Variants in PFKP observed in about 807,000 individuals in gnomAD.
PFKP encodes the protein ATP-dependent 6-phosphofructokinase, platelet type.
A neutral mutation model predicts 94.3 loss-of-function variants in PFKP; 101 were observed. The ratio of observed to expected loss-of-function variants is 1.07; its 90% CI spans 0.91 to 1.26. PFKP has a LOEUF of 1.26. Ranked by LOEUF, PFKP falls within the 50% of genes most tolerant of loss-of-function variation. PFKP has a pLI of 0.00. For synonymous variants in PFKP, 573 were observed against 432.6 expected (o/e 1.32, Z -4.03); for missense variants, 1,145 against 1,103.3 (o/e 1.04, Z -0.53).
chr10:3,128,611 A>G (rs1238394245), intron 16 of PFKP, among the ~76,000 whole-genome samples: 1 of 147,828 alleles, frequency 6.8e-6, no homozygotes, highest in Non-Finnish European at 1.5e-5. Flanking sequence ...CGGGCCTTGC[A>G]CGCCTTGTAC....
intron 2 of PFKP, among the ~76,000 whole-genome samples, chr10:3,095,963 T>A (rs1485713246): frequency 2.0e-5 from 3 of 151,988 alleles, no homozygotes; most frequent in African/African-American, 7.3e-5. Context: ...TATTTTTTAA[T>A]GGCTTTCTTT....
intron 1 of PFKP, among the ~76,000 whole-genome samples, chr10:3,081,040 C>A (rs1223462065): frequency 1.3e-5 from 2 of 152,138 alleles, no homozygotes; most frequent in Non-Finnish European, 1.5e-5. Context: ...CATTCGAATT[C>A]TTTGTGTTAT....
At chr10:3,088,816 C>T (rs1372582095) in intron 2 of PFKP, among the ~76,000 whole-genome samples, 3 of 151,870 alleles carry the variant, frequency 2.0e-5, no homozygotes, top group African/African-American at 7.3e-5. Context: ...TTGCTTTTCC[C>T]CACCCCTCCC....
At chr10:3,136,365 C>G (rs1201899002) in intron 21 of PFKP, 85 bp from the exon 22 acceptor site, 6 of 1,453,144 alleles carry the variant, frequency 4.1e-6, no homozygotes, top group East Asian at 2.3e-5. Flanking sequence ...GTGTTTCTGG[C>G]AAGACCGCTC....
At chr10:3,135,357 T>C (rs1380151672) in intron 20 of PFKP, among the ~76,000 whole-genome samples, 1 of 152,296 alleles carries the variant, frequency 6.6e-6, no homozygotes, top group South Asian at 2.1e-4. Context: ...TTGGCTTTGA[T>C]TCTTTCTACA....
intron 1 of PFKP, among the ~76,000 whole-genome samples, chr10:3,079,428 G>T (rs372967180): frequency 6.6e-6 from 1 of 151,944 alleles, no homozygotes; most frequent in South Asian, 2.1e-4. Flanking sequence ...TAGAGACGGG[G>T]TTTCACCATG....
chr10:3,076,492 G>T (rs1038829884), intron 1 of PFKP, among the ~76,000 whole-genome samples: 1 of 151,974 alleles, frequency 6.6e-6, no homozygotes, highest in African/African-American at 2.4e-5. Context: ...TCTCAGGCAG[G>T]TCTGCAGGCT....
intron 16 of PFKP, chr10:3,124,973 G>C (rs1466862409): frequency 1.3e-6 from 1 of 756,834 alleles, no homozygotes; most frequent in African/African-American, 1.9e-5. Context: ...CCCTTGACCC[G>C]CATGAACCGG....
intron 2 of PFKP, among the ~76,000 whole-genome samples, chr10:3,093,625 G>T (rs1834228926): frequency 6.9e-6 from 1 of 145,758 alleles, no homozygotes; most frequent in Non-Finnish European, 1.5e-5. Flanking sequence ...ATAACCACAG[G>T]AACAAGCATT....
intron 3 of PFKP, among the ~76,000 whole-genome samples, chr10:3,100,464 AAT>A (rs2131534000): frequency 6.6e-6 from 1 of 152,088 alleles, no homozygotes; most frequent in Admixed American, 6.5e-5. Flanking sequence ...TGGGATTTGG[AAT>A]ATTAGTGAGT....
chr10:3,129,389 TCACGG>T (rs1838301754), intron 16 of PFKP: 1 of 162,472 alleles, frequency 6.2e-6, no homozygotes, highest in Non-Finnish European at 1.3e-5. Context: ...ACAGCGGTTC[TCACGG>T]ACTAAGCTGG....
intron 2 of PFKP, among the ~76,000 whole-genome samples, chr10:3,097,757 C>A (rs1273809425): frequency 1.3e-5 from 2 of 152,218 alleles, no homozygotes; most frequent in African/African-American, 4.8e-5. Context: ...GTAATCCCAG[C>A]ACTTTGGGAG....
In PFKP at chr10:3,113,369, C is replaced by T; in HGVS notation, c.1225-3C>T. On this transcript the variant is annotated splice_polypyrimidine_tract_variant and splice_region_variant and intron_variant, in intron 12 of 21. Transcript: ENST00000381125. ...CAGCACTCACCTGCCTTCTGTTTTG[C>T]AGACCAATTGCAACGTAGCTGTCAT... The T allele has an allele frequency of 6.3e-7, 1 of 1,580,840 alleles. No individual in the cohort carries two copies. Among genetic ancestry groups the T allele is most frequent in the Admixed American group, 1.7e-5 (1 of 57,838 alleles).
At chr10:3,104,744 G>C (rs778773746) in intron 5 of PFKP, 3 of 319,538 alleles carry the variant, frequency 9.4e-6, no homozygotes, top group Non-Finnish European at 1.8e-5. Flanking sequence ...GAGAGATCCA[G>C]CCGTGGCTGT....
intron 5 of PFKP, among the ~76,000 whole-genome samples, chr10:3,104,571 C>G (rs914301441): frequency 5.3e-5 from 8 of 152,246 alleles, no homozygotes; most frequent in African/African-American, 1.7e-4. Flanking sequence ...CCAGTGACGC[C>G]TCACTGGACA....
chr10:3,130,525 G>A (rs540354056), intron 17 of PFKP, among the ~76,000 whole-genome samples: 9 of 152,292 alleles, frequency 5.9e-5, no homozygotes, highest in Admixed American at 5.2e-4. Flanking sequence ...TAAACTTCAT[G>A]CAAGATGACA....
At chr10:3,093,842 A>G (rs1414649548) in intron 2 of PFKP, among the ~76,000 whole-genome samples, 1 of 151,958 alleles carries the variant, frequency 6.6e-6, no homozygotes, top group Non-Finnish European at 1.5e-5. Flanking sequence ...GTGGGGTTTC[A>G]CCGTGTTAGC....
intron 2 of PFKP, among the ~76,000 whole-genome samples, chr10:3,090,926 G>C (rs78113710): frequency 0.049 from 7,460 of 152,206 alleles, 193 homozygotes; most frequent in South Asian, 0.061. Context: ...GTTACCAACA[G>C]ACCAGGACAG....
At chr10:3,115,423 CAT>C (rs747478648) in intron 13 of PFKP, among the ~76,000 whole-genome samples, 33,030 of 48,840 alleles carry the variant, frequency 0.68, 13,406 homozygotes, top group South Asian at 0.8. Context: ...TGTGTCCCGC[CAT>C]GGAGGACAGG....
Sources: gnomAD v4.1 joint callset for allele counts (sites outside exome capture counted in the v4.1 genomes callset) on GRCh38, gnomAD v4.1.1 for gene constraint, MANE v1.5 for transcripts, NCBI Gene and HGNC (gene_info 2026-07-23, HGNC 2026-07-21) for gene names.